The following HCN4 variants were observed in gnomAD, a reference collection of about 807,000 sequenced individuals.
HCN4 encodes potassium/sodium hyperpolarization-activated cyclic nucleotide-gated channel 4.
Under a neutral mutation model 76.9 loss-of-function variants are expected in HCN4, and 29 were observed. The ratio of observed to expected loss-of-function variants is 0.38; its 90% CI spans 0.28 to 0.51. The LOEUF (loss-of-function observed/expected upper bound fraction) is 0.51, where lower values mean the gene tolerates loss of function less well. HCN4 is among the 20% of genes least tolerant of loss of function. The probability of loss-of-function intolerance (pLI) is 0.90; values close to 1 mark genes in which losing one functional copy is unlikely to be tolerated. For missense variants in HCN4, 1,416 were observed against 1,715.2 expected (o/e 0.83, Z 3.08); for synonymous variants, 772 against 762.5 (o/e 1.01, Z -0.21).
chr15:73,329,569 C>T lies in HCN4; in HGVS notation c.1590+4G>A, dbSNP rs1241146304. The T allele has an allele frequency of 6.2e-7, 1 of 1,613,840 alleles. No homozygotes were observed. The highest frequency in any genetic ancestry group is 2.2e-5 in the East Asian group (1 of 44,862). ...ATGTGCGGGTGCTCCCTGGGTAGAC[C>T]TACCTTTTCCTGGTACTGGCGCCGG... On this transcript the variant is annotated splice_donor_region_variant and intron_variant, in intron 4 of 7. Coordinates refer to ENST00000261917, the MANE Select transcript of HCN4 (RefSeq NM_005477.3).
rs546202275 is a variant in HCN4 at position 73,324,057 on chromosome 15, C to G, written c.2143+32G>C. The G allele has an allele frequency of 2.5e-4, 395 of 1,610,312 alleles. 1 individual carries two copies. The South Asian group carries it at 2.6e-3, about 11-fold the overall frequency. ...CCTGCCCTCCTCCCCCAACACCCCC[C>G]ACCTGCCCCGCCTGTGGCCCCTCCC... On this transcript the variant is annotated intron_variant, in intron 7 of 7. Coordinates refer to ENST00000261917, the MANE Select transcript of HCN4 (RefSeq NM_005477.3).
At chr15:73,339,649 A>G (rs1206191339) in intron 2 of HCN4, among the ~76,000 whole-genome samples, 1 of 152,226 alleles carries the variant, frequency 6.6e-6, no homozygotes, top group East Asian at 1.9e-4. Flanking sequence ...CTGAGGCCCA[A>G]AGGAGGAAAG....
chr15:73,329,474 T>A, intron 4 of HCN4, 99 bp downstream of exon 4: 1 of 1,064,244 alleles, frequency 9.4e-7, no homozygotes, highest in South Asian at 1.4e-5. Context: ...TCCTGTGGGG[T>A]GGGAGCAGGG....
In HCN4 at chr15:73,322,364, G is replaced by A; in HGVS notation, c.*117C>T. 1 of 836,616 alleles carries A rather than the reference G, an allele frequency of 1.2e-6. No homozygotes were observed. The highest frequency in any genetic ancestry group is 2.5e-5 in the Admixed American group (1 of 40,600). The allele number at this position is 836,616 out of a possible 1,614,324, so 51.8% of individuals were successfully genotyped here. A position where few individuals can be genotyped will look rare whatever the true frequency, so the allele number is the denominator to read the frequency against. On this transcript the variant is annotated 3_prime_UTR_variant, in exon 8 of 8. Coordinates refer to ENST00000261917, the MANE Select transcript of HCN4 (RefSeq NM_005477.3). The stretch of plus-strand genomic sequence containing the variant: ...TTCTGCTGTCTTTTGTTTTTCTGGT[G>A]TGTGTGGTTTTTTAAATAATTATTA...
chr15:73,349,211 G>GT (rs1490316000), intron 1 of HCN4, among the ~76,000 whole-genome samples: 6 of 152,140 alleles, frequency 3.9e-5, no homozygotes. Context: ...CATTCCCTTG[G>GT]TTTTCCAGAC....
At position 73,325,275 on chromosome 15, in the gene HCN4, C is replaced by T. The variant is rs748752985; in HGVS notation, c.1737+23G>A. ...GCCAGGAAGGCCTGGCTCCCCTCCA[C>T]GCCGGGCCGCCACACAGCTCACCTC... On this transcript the variant is annotated intron_variant, in intron 5 of 7. Coordinates refer to ENST00000261917, the MANE Select transcript of HCN4 (RefSeq NM_005477.3). The surrounding 1 kb of genome is among the most constrained non-coding windows in gnomAD (Gnocchi z 7.4). 3.2e-5 allele frequency: 51 copies of T among 1,613,956 alleles called. No homozygotes were observed. Among genetic ancestry groups the T allele is most frequent in the East Asian group, 2.0e-4 (9 of 44,866 alleles).
In HCN4 at chr15:73,321,064, G is replaced by A. The variant is rs1218415398; in HGVS notation, c.*1417C>T. The A allele has an allele frequency of 6.6e-6, 1 of 152,316 alleles. No individual in the cohort carries two copies. 9.4% of individuals were successfully genotyped at this position (152,316 alleles called of 1,614,324 possible). A position where few individuals can be genotyped will look rare whatever the true frequency, so the allele number is the denominator to read the frequency against. On this transcript the variant is annotated 3_prime_UTR_variant, in exon 8 of 8. Coordinates refer to ENST00000261917, the MANE Select transcript of HCN4 (RefSeq NM_005477.3). ...CATGGTATGTGCCAGGCGCTGGGCT[G>A]GGCATTTCACATATAGATTTTTCTC... is the stretch of plus-strand genomic sequence containing the variant.
Position 73,322,494 on chromosome 15 carries a change from G to T in HCN4, c.3599C>A (p.Pro1200Gln), listed in dbSNP as rs542636933. The T allele has an allele frequency of 6.3e-7, 1 of 1,595,646 alleles. No homozygotes were observed. The highest frequency in any genetic ancestry group is 2.3e-5 in the East Asian group (1 of 44,088). Reference protein sequence around the residue: ...ARPEPVRSKLPSNL With the variant: ...ARPEPVRSKLQSNL ...GAAGGGCCCAGCTCATAGATTGGAT[G>T]GCAGTTTGGAGCGCACTGGCTCAGG... The change falls in exon 8 of 8, where the codon CCA (proline) becomes CAA (glutamine). Residue 1200 changes from proline to glutamine, a missense_variant. Pro to Gln is a moderately conservative substitution (Grantham distance 76). This residue lies in a region of HCN4 where 633 missense variants were observed against 579.8 expected (regional missense o/e 1.09). Transcript: ENST00000261917.
intron 4 of HCN4, among the ~76,000 whole-genome samples, chr15:73,326,066 G>A (rs1428987018): frequency 3.3e-5 from 5 of 152,128 alleles, no homozygotes; most frequent in African/African-American, 9.7e-5. Context: ...AAAGATTTGT[G>A]AGCCTCAGAC....
chr15:73,323,216 C>A lies in HCN4; in HGVS notation c.2877G>T (p.Leu959=). The stretch of plus-strand genomic sequence containing the variant: ...GGGATCTGGATGAGGGTGGGGGTGG[C>A]AGGAAGTGCTCCGGGAGTCCCAGGC... ...RGGLGLPEHF[L]PPPPSSRSPS... The change falls in exon 8 of 8, where the codon CTG becomes CTT. Residue 959 remains leucine, a synonymous_variant. Transcript: ENST00000261917. 1 of 1,531,420 alleles carries A rather than the reference C, an allele frequency of 6.5e-7. No homozygotes were observed. Among genetic ancestry groups the A allele is most frequent in the Non-Finnish European group, 8.8e-7 (1 of 1,141,310 alleles). The allele number at this position is 1,531,420 out of a possible 1,614,324, so 94.9% of individuals were successfully genotyped here. A position where few individuals can be genotyped will look rare whatever the true frequency, so the allele number is the denominator to read the frequency against.
In HCN4 at chr15:73,343,589, C is replaced by T. The variant is rs758797709; in HGVS notation, c.1005G>A (p.Met335Ile). The change falls in exon 2 of 8, where the codon ATG becomes ATA. Residue 335 changes from methionine (M) to isoleucine (I), a missense_variant. Around this residue, in one of 6 missense-constraint regions of HCN4, gnomAD observed 23 missense variants for 19.1 expected, o/e 1.21. Transcript: ENST00000261917. The surrounding 1 kb of genome is among the most constrained non-coding windows in gnomAD (Gnocchi z 5.7). Reference sequence around the variant, plus strand: ...CCATGAACCAGCTTTTCAGGTACTTCATTTTAATCCGCTGCGGGTCCAGGA... The same window carrying T: ...CCATGAACCAGCTTTTCAGGTACTTTATTTTAATCCGCTGCGGGTCCAGGA... The part of the protein sequence containing the change: ...EIILDPQRIK[M>I]KYLKSWFMVD... 48 of 1,614,044 alleles carry T rather than the reference C, an allele frequency of 3.0e-5. No homozygotes were observed. Among genetic ancestry groups the T allele is most frequent in the Non-Finnish European group, 4.0e-5 (47 of 1,180,048 alleles).
intron 1 of HCN4, among the ~76,000 whole-genome samples, chr15:73,358,690 G>T (rs2043092026): frequency 6.6e-6 from 1 of 152,190 alleles, no homozygotes; most frequent in Non-Finnish European, 1.5e-5. Flanking sequence ...GTTAAAGGAG[G>T]CAGGTTCTGA....
Position 73,323,740 on chromosome 15 carries a change from C to T in HCN4, c.2353G>A (p.Ala785Thr). The stretch of plus-strand genomic sequence containing the variant: ...ATGGCCACAGAAGTGGTGGCAGCGG[C>T]AGCCTGCAGTGGTGCCTGGATCAGC... Reference protein sequence around the residue: ...TPLIQAPLQAAAATTSVAIAL... With the variant: ...TPLIQAPLQATAATTSVAIAL... Residue 785 changes from alanine (A) to threonine (T), a missense_variant, in exon 8 of 8, where the codon GCC (alanine) becomes ACC (threonine). Ala to Thr is a moderately conservative substitution (Grantham distance 58). Transcript: ENST00000261917. 1 of 1,604,600 alleles carries T rather than the reference C, an allele frequency of 6.2e-7. No individual in the cohort carries two copies.
intron 1 of HCN4, among the ~76,000 whole-genome samples, chr15:73,364,272 C>T (rs911245345): frequency 6.6e-6 from 1 of 152,092 alleles, no homozygotes; most frequent in Non-Finnish European, 1.5e-5. Context: ...GCTTCCACAT[C>T]CACCCACACA....
At position 73,343,638 on chromosome 15, in the gene HCN4, A is replaced by G; in HGVS notation, c.956T>C (p.Val319Ala). ...DLVLNFRTGI[V>A]VEDNTEIILD... ...GATGATCTCTGTGTTGTCCTCCACC[A>G]CGATCCCTGTGCGGAAGTTGAGGAC... Residue 319 changes from valine to alanine, a missense_variant, in exon 2 of 8, where the codon GTG becomes GCG. Physicochemically the swap from Val to Ala is moderately conservative, Grantham distance 64 (BLOSUM62 0). This residue lies in a region of HCN4 where 52 missense variants were observed against 129.1 expected (regional missense o/e 0.40). Transcript: ENST00000261917. This position sits in a 1 kb window ranked among gnomAD's most constrained non-coding sequence, Gnocchi z 5.7. The G allele has an allele frequency of 1.2e-6, 2 of 1,614,146 alleles. No homozygotes were observed. The highest frequency in any genetic ancestry group is 1.7e-6 in the Non-Finnish European group (2 of 1,180,034).
intron 1 of HCN4, among the ~76,000 whole-genome samples, chr15:73,355,596 G>A (rs1313765500): frequency 1.3e-5 from 2 of 152,188 alleles, no homozygotes; most frequent in Non-Finnish European, 2.9e-5. Context: ...AGAATTCCTT[G>A]AGAAAGGGAC....
intron 6 of HCN4, among the ~76,000 whole-genome samples, chr15:73,324,538 C>T (rs546007033): frequency 6.6e-6 from 1 of 152,280 alleles, no homozygotes; most frequent in African/African-American, 2.4e-5. Context: ...GAGGTGGGGC[C>T]TAGGGAGGTG....
At position 73,343,822 on chromosome 15, in the gene HCN4, CA is replaced by C; in HGVS notation, c.786-15del. 3.7e-6 allele frequency: 6 copies of C among 1,613,594 alleles called. No individual in the cohort carries two copies. Among genetic ancestry groups the C allele is most frequent in the Non-Finnish European group, 3.4e-6 (4 of 1,179,966 alleles). The stretch of plus-strand genomic sequence containing the variant: ...TCCCAGTAAAATCTGCCCAGAGACA[CA>C]GGGGTCAGTCGCCAGGAAGAGAGAG... On this transcript the variant is annotated splice_polypyrimidine_tract_variant and intron_variant, in intron 1 of 7. Coordinates refer to ENST00000261917, the MANE Select transcript of HCN4 (RefSeq NM_005477.3). The surrounding 1 kb of genome is among the most constrained non-coding windows in gnomAD (Gnocchi z 5.7).
rs756459979 is a variant in HCN4, at chr15:73,368,211, C to T, written c.60G>A (p.Gly20=). 4 of 1,531,586 alleles carry T rather than the reference C, an allele frequency of 2.6e-6. No homozygotes were observed. In the Admixed American group the frequency reaches 7.8e-5, roughly 30 times the overall value. The allele number at this position is 1,531,586 out of a possible 1,614,324, so 94.9% of individuals were successfully genotyped here. A position where few individuals can be genotyped will look rare whatever the true frequency, so the allele number is the denominator to read the frequency against. The change falls in exon 1 of 8, where the codon GGG becomes GGA. Residue 20 remains glycine, a synonymous_variant. Coordinates refer to ENST00000261917, the MANE Select transcript of HCN4 (RefSeq NM_005477.3). The surrounding 1 kb of genome is among the most constrained non-coding windows in gnomAD (Gnocchi z 6.9). ...CCTCGTCCATGATCCACGCCTTGGC[C>T]CCCACCTGCTGCGGGAGGCTGTAGA... ...KRLYSLPQQV[G]AKAWIMDEEE...
Sources: gnomAD v4.1 joint callset for allele counts (sites outside exome capture counted in the v4.1 genomes callset) on GRCh38, gnomAD v4.1.1 for gene constraint, gnomAD v4.1.1 regional missense constraint, Gnocchi (gnomAD v3.1) non-coding constraint, MANE v1.5 for transcripts, NCBI Gene and HGNC (gene_info 2026-07-23, HGNC 2026-07-21) for gene names.